Variants in UBR4 observed in about 807,000 individuals in gnomAD.
The protein encoded by UBR4 is ubiquitin protein ligase E3 component n-recognin 4, also known as E3 ubiquitin-protein ligase UBR4.
Under a neutral mutation model 575.6 loss-of-function variants are expected in UBR4, and 124 were observed. The ratio of observed to expected loss-of-function variants is 0.22; its 90% CI spans 0.19 to 0.25. UBR4 has a LOEUF of 0.25. UBR4 is among the 10% of genes least tolerant of loss of function. UBR4 has a pLI of 1.00. For missense variants in UBR4, 4,818 were observed against 6,478.8 expected (o/e 0.74, Z 8.80); for synonymous variants, 2,455 against 2,473.7 (o/e 0.99, Z 0.22).
intron 1 of UBR4, among the ~76,000 whole-genome samples, chr1:19,206,350 T>A (rs2151828343): frequency 6.6e-6 from 1 of 152,070 alleles, no homozygotes; most frequent in African/African-American, 2.4e-5. Context: ...TTTTTTTTTT[T>A]TAGATGGAGT....
chr1:19,197,019 G>T, intron 8 of UBR4, 122 bp downstream of exon 8: 2 of 1,220,282 alleles, frequency 1.6e-6, no homozygotes, highest in Non-Finnish European at 2.3e-6. Flanking sequence ...TGCGACGTTA[G>T]ATGATCCTTG....
chr1:19,104,770 C>T (rs2079009624), intron 85 of UBR4, 104 bp from the exon 86 acceptor site: 1 of 1,276,750 alleles, frequency 7.8e-7, no homozygotes, highest in Admixed American at 2.0e-5. Flanking sequence ...TCTGTAGTTA[C>T]ATCTTCTTAA....
intron 34 of UBR4, among the ~76,000 whole-genome samples, chr1:19,162,824 AT>A (rs1035891096): frequency 1.5e-4 from 23 of 152,206 alleles, no homozygotes; most frequent in African/African-American, 5.1e-4. Context: ...GTATTCATTC[AT>A]TCTTAGGCAC....
chr1:19,090,457 G>C (rs565792186), intron 97 of UBR4, among the ~76,000 whole-genome samples: 1 of 152,034 alleles, frequency 6.6e-6, no homozygotes, highest in African/African-American at 2.4e-5. Flanking sequence ...GCCATGCCTC[G>C]CCTCCGACTG....
At chr1:19,181,944 T>TAAAC (rs780198767) in intron 17 of UBR4, among the ~76,000 whole-genome samples, 14 of 152,250 alleles carry the variant, frequency 9.2e-5, no homozygotes, top group Admixed American at 5.2e-4. Context: ...CTGTACCCAC[T>TAAAC]AAACACCAAG....
At chr1:19,151,882 T>G in intron 47 of UBR4, 23 bp from the exon 48 acceptor site, 2 of 1,542,534 alleles carry the variant, frequency 1.3e-6, no homozygotes, top group East Asian at 4.5e-5. Context: ...AAGGCACACA[T>G]CAAGAAACTA....
chr1:19,084,415 G>A (rs1043711647), intron 102 of UBR4, 89 bp downstream of exon 102: 1 of 1,367,488 alleles, frequency 7.3e-7, no homozygotes, highest in South Asian at 1.4e-5. Context: ...GAACTAGCAT[G>A]AGAGGCTATG....
intron 100 of UBR4, 114 bp downstream of exon 100, chr1:19,086,565 C>T (rs2077036855): frequency 7.0e-7 from 1 of 1,436,696 alleles, no homozygotes; most frequent in Admixed American, 2.1e-5. Context: ...GCAGAACACC[C>T]TACTCTCCAG....
rs768437621 is a variant in UBR4 at position 19,160,961 on chromosome 1, G to A, written c.5362C>T (p.Leu1788Phe). 17 of 1,614,050 alleles carry A rather than the reference G, an allele frequency of 1.1e-5. No individual in the cohort carries two copies. Among genetic ancestry groups the A allele is most frequent in the East Asian group, 2.2e-5 (1 of 44,896 alleles). The change falls in exon 38 of 106, where the codon CTC becomes TTC. Residue 1788 changes from leucine (L) to phenylalanine (F), a missense_variant. Physicochemically the swap from Leu to Phe is conservative, Grantham distance 22. Coordinates refer to ENST00000375254, the MANE Select transcript of UBR4 (RefSeq NM_020765.3). The stretch of plus-strand genomic sequence containing the variant: ...CGGCAGCCCTCTACTGTGCGGCAGA[G>A]GCTGCTCTTCTTGGGCTTCTCTTCG... ...ADEEKPKKSS[L>F]CRTVEGCREE...
At chr1:19,169,580 G>T in intron 26 of UBR4, 48 bp from the exon 27 acceptor site, 2 of 1,532,552 alleles carry the variant, frequency 1.3e-6, no homozygotes, top group South Asian at 2.4e-5. Context: ...AAGAAGGAAC[G>T]ACACAGAGCA....
intron 55 of UBR4, among the ~76,000 whole-genome samples, chr1:19,143,255 G>GAAAGA (rs2084273755): frequency 2.9e-5 from 3 of 102,332 alleles, no homozygotes; most frequent in Admixed American, 1.1e-4. Context: ...AGGAAGGAAG[G>GAAAGA]AAGGAAGAAA....
intron 13 of UBR4, among the ~76,000 whole-genome samples, chr1:19,186,925 G>A (rs1421633887): frequency 2.0e-5 from 3 of 151,862 alleles, no homozygotes; most frequent in Admixed American, 6.6e-5. Context: ...AAGTAGCCAC[G>A]TGTATCACAA....
chr1:19,114,997 G>T, intron 74 of UBR4, 48 bp from the exon 75 acceptor site: 1 of 1,612,136 alleles, frequency 6.2e-7, no homozygotes, highest in Non-Finnish European at 8.5e-7. Flanking sequence ...GGCTGGGTGG[G>T]GTGGGGGTCA....
chr1:19,156,954 C>G (rs1557830080), intron 40 of UBR4, 29 bp from the exon 41 acceptor site: 2 of 1,606,568 alleles, frequency 1.2e-6, no homozygotes, highest in Admixed American at 3.4e-5. Flanking sequence ...TAATTTATTC[C>G]TACTCCTGGT....
rs2079743682 is a variant in UBR4, at chr1:19,110,612, A to AAACCATT, written c.11892+123_11892+129dup. 2 of 1,381,394 alleles carry AAACCATT rather than the reference A, an allele frequency of 1.4e-6. No homozygotes were observed. The highest frequency in any genetic ancestry group is 2.0e-6 in the Non-Finnish European group (2 of 977,758). The allele number at this position is 1,381,394 out of a possible 1,614,324, so 85.6% of individuals were successfully genotyped here. ...TTGTGCTCCAGGCTCTTCCCTGGGAAAACCATTCTGGGGTAATGTTCTGCT... is the reference window on the plus strand; with the variant it reads ...TTGTGCTCCAGGCTCTTCCCTGGGAAAACCATTAACCATTCTGGGGTAATGTTCTGCT... On this transcript the variant is annotated intron_variant, in intron 79 of 105. Transcript: ENST00000375254. This position sits in a 1 kb window ranked among gnomAD's most constrained non-coding sequence, Gnocchi z 4.5.
intron 97 of UBR4, among the ~76,000 whole-genome samples, chr1:19,090,487 G>C (rs1198657478): frequency 1.3e-5 from 2 of 152,094 alleles, no homozygotes; most frequent in Non-Finnish European, 2.9e-5. Flanking sequence ...TCAATTCTTG[G>C]AAGGCTTTAA....
rs532864048 is a variant in UBR4 at position 19,201,700 on chromosome 1, C to T, written c.274+18G>A. The T allele has an allele frequency of 6.2e-7, 1 of 1,602,370 alleles. No homozygotes were observed. The highest frequency in any genetic ancestry group is 1.1e-5 in the South Asian group (1 of 90,612). On this transcript the variant is annotated intron_variant, in intron 2 of 105. Coordinates refer to ENST00000375254, the MANE Select transcript of UBR4 (RefSeq NM_020765.3). The stretch of plus-strand genomic sequence containing the variant: ...TTCACAAGCCCTCAGAAGGGAAGGA[C>T]AAGAGTGGAATACTTACTGAGACTG...
At position 19,088,105 on chromosome 1, in the gene UBR4, T is replaced by C. The variant is rs967747860; in HGVS notation, c.14431-176A>G. Among the ~76,000 whole-genome samples the C allele has an allele frequency of 6.6e-6, 1 of 152,240 alleles. No homozygotes were observed. The highest frequency in any genetic ancestry group is 1.5e-5 in the Non-Finnish European group (1 of 68,032). Reference sequence around the variant, plus strand: ...GATAAAGACCCAGGCCCTTCTGCTATTCTCTCTTCCTACAGGAACCACTGA... The same window carrying C: ...GATAAAGACCCAGGCCCTTCTGCTACTCTCTCTTCCTACAGGAACCACTGA... On this transcript the variant is annotated intron_variant, in intron 98 of 105. Coordinates refer to ENST00000375254, the MANE Select transcript of UBR4 (RefSeq NM_020765.3). The surrounding 1 kb of genome is among the most constrained non-coding windows in gnomAD (Gnocchi z 4.0).
chr1:19,148,011 C>T lies in UBR4; in HGVS notation c.7611G>A (p.Ser2537=), dbSNP rs938025355. The T allele has an allele frequency of 1.9e-6, 3 of 1,613,050 alleles. No individual in the cohort carries two copies. The highest frequency in any genetic ancestry group is 2.7e-5 in the African/African-American group (2 of 75,030). The stretch of plus-strand genomic sequence containing the variant: ...CAGTTACCTTGTGGCTGTGGTAGGC[C>T]GAGCGGCTGGTGTGCAGGCTGGCCA... ...SLLASLHTSR[S]AYHSHKDQAL... Residue 2537 remains serine (S), a synonymous_variant, in exon 51 of 106, where the codon TCG becomes TCA. Coordinates refer to ENST00000375254, the MANE Select transcript of UBR4 (RefSeq NM_020765.3).
Sources: allele counts gnomAD v4.1 joint callset (sites outside exome capture counted in the v4.1 genomes callset), GRCh38; gene constraint gnomAD v4.1.1; non-coding constraint Gnocchi (gnomAD v3.1); transcripts MANE v1.5; gene names NCBI Gene and HGNC (gene_info 2026-07-23, HGNC 2026-07-21).